Variants in STARD13 observed in about 807,000 individuals in gnomAD.
STARD13 encodes stAR-related lipid transfer protein 13.
STARD13 carries 62 observed loss-of-function variants against 106.4 expected under a neutral mutation model. The ratio of observed to expected loss-of-function variants is 0.58; its 90% confidence interval spans 0.48 to 0.72. The LOEUF is 0.72. Among genes scored for constraint, STARD13 ranks in the 30% least tolerant of loss-of-function variants. STARD13 has a pLI of 0.00. For synonymous variants in STARD13, 565 were observed against 553.0 expected, an observed-to-expected ratio of 1.02 and a Z score of -0.31; for missense variants, 1,387 against 1,424.0, an observed-to-expected ratio of 0.97 and a Z score of 0.42.
chr13:33,463,403 T>TA, the STARD13 span, among the ~76,000 whole-genome samples: 1 of 152,250 alleles, frequency 6.6e-6, no homozygotes, highest in Non-Finnish European at 1.5e-5. Flanking sequence ...GCCCAGTTGT[T>TA]ACCATGGAAA....
At chr13:33,208,063 G>A (rs954135974) in intron 1 of STARD13, among the ~76,000 whole-genome samples, 4 of 151,558 alleles carry the variant, frequency 2.6e-5, no homozygotes, top group East Asian at 3.9e-4. Context: ...TGTCAACTGC[G>A]AAGATCTTAT....
chr13:33,418,419 T>C, the STARD13 span, among the ~76,000 whole-genome samples: 5 of 152,150 alleles, frequency 3.3e-5, no homozygotes, highest in South Asian at 1.0e-3. Flanking sequence ...CTTAAGTAGG[T>C]AAACAAAGCT....
At chr13:33,541,585 C>T in the STARD13 span, among the ~76,000 whole-genome samples, 1 of 152,174 alleles carries the variant, frequency 6.6e-6, no homozygotes, top group Non-Finnish European at 1.5e-5. Context: ...TTCGGACAAT[C>T]TTTCTTATAT....
At chr13:33,439,898 C>A in the STARD13 span, among the ~76,000 whole-genome samples, 4 of 152,136 alleles carry the variant, frequency 2.6e-5, no homozygotes, top group Admixed American at 2.6e-4. Flanking sequence ...CTACACAAAT[C>A]ATCAGGAATC....
At chr13:33,308,777 G>A (rs1425446434) in intron 1 of STARD13, among the ~76,000 whole-genome samples, 1 of 151,948 alleles carries the variant, frequency 6.6e-6, no homozygotes, top group East Asian at 1.9e-4. Context: ...ACCCGCCTTG[G>A]CCTCCCGAAG....
rs1268930462 is a variant in STARD13 at position 33,269,565 on chromosome 13, T to G, written c.169+15905A>C. Among the ~76,000 whole-genome samples the G allele has an allele frequency of 2.0e-5, 3 of 152,192 alleles. No individual in the cohort carries two copies. In the East Asian group the frequency reaches 5.8e-4, roughly 29 times the overall value. ...TAGCCAGCCACACAAAATCACGGCCTTAGGCAGTAAGCCCAATTGACATTT... is the reference window on the plus strand; with the variant it reads ...TAGCCAGCCACACAAAATCACGGCCGTAGGCAGTAAGCCCAATTGACATTT... On this transcript the variant is annotated intron_variant, in intron 1 of 13. Coordinates refer to ENST00000336934, the MANE Select transcript of STARD13 (RefSeq NM_178006.4).
intron 1 of STARD13, among the ~76,000 whole-genome samples, chr13:33,193,843 T>C (rs1886424169): frequency 6.6e-6 from 1 of 152,240 alleles, no homozygotes; most frequent in African/African-American, 2.4e-5. Context: ...GTACTATTAA[T>C]TGAATTTAGC....
At position 33,298,098 on chromosome 13, in the gene STARD13, A is replaced by T. The variant is rs554522151; in HGVS notation, c.124+52192T>A. On this transcript the variant is annotated intron_variant, in intron 1 of 5. Transcript: ENST00000567873. ...CAGTTTTACTTGTGTCTCTATGTCT[A>T]GTCTGGCCCCATCCCATCTACAGTT... is the stretch of plus-strand genomic sequence containing the variant. 1.3e-3 allele frequency among the ~76,000 whole-genome samples: 194 copies of T among 144,288 alleles called. 3 individuals are homozygous for T. Among genetic ancestry groups the T allele is most frequent in the Admixed American group, 4.4e-3 (63 of 14,388 alleles). 94.7% of individuals were successfully genotyped at this position (144,288 alleles called of 152,430 possible). A position where few individuals can be genotyped will look rare whatever the true frequency, so the allele number is the denominator to read the frequency against.
intron 1 of STARD13, among the ~76,000 whole-genome samples, chr13:33,229,867 G>T (rs1409000724): frequency 6.6e-6 from 1 of 152,192 alleles, no homozygotes; most frequent in African/African-American, 2.4e-5. Context: ...TCTCTTTGTT[G>T]TCCCCCAGGA....
At chr13:33,444,433 C>T in the STARD13 span, among the ~76,000 whole-genome samples, 1 of 152,130 alleles carries the variant, frequency 6.6e-6, no homozygotes, top group Non-Finnish European at 1.5e-5. Flanking sequence ...GCTTCAGTTC[C>T]TTCTTAATTA....
At chr13:33,167,998 A>T (rs1456713806) in intron 1 of STARD13, among the ~76,000 whole-genome samples, 1 of 149,712 alleles carries the variant, frequency 6.7e-6, no homozygotes, top group Admixed American at 6.7e-5. Context: ...TTTTAATGGA[A>T]TTTTTTTTTT....
At chr13:33,478,126 T>G in the STARD13 span, among the ~76,000 whole-genome samples, 1 of 152,342 alleles carries the variant, frequency 6.6e-6, no homozygotes, top group Non-Finnish European at 1.5e-5. Context: ...TTTTCCACTA[T>G]GTAAACTCCC....
intron 1 of STARD13, chr13:33,273,012 C>T (rs1302491496): frequency 6.6e-6 from 1 of 152,192 alleles, no homozygotes; most frequent in Non-Finnish European, 1.5e-5. Flanking sequence ...GCCAAGTTTC[C>T]TTATTATATC....
the STARD13 span, among the ~76,000 whole-genome samples, chr13:33,544,472 A>G: frequency 1.3e-5 from 2 of 152,254 alleles, no homozygotes; most frequent in Non-Finnish European, 2.9e-5. Flanking sequence ...ATAGAAATAC[A>G]GATATTGTTA....
chr13:33,627,974 T>C, the STARD13 span, among the ~76,000 whole-genome samples: 1 of 148,510 alleles, frequency 6.7e-6, no homozygotes, highest in African/African-American at 2.6e-5. Context: ...TCTTTCTTTT[T>C]TTTTTTTTTG....
chr13:33,553,042 GAAAT>G, the STARD13 span, among the ~76,000 whole-genome samples: 15 of 151,990 alleles, frequency 9.9e-5, no homozygotes, highest in Admixed American at 2.0e-4. Flanking sequence ...AACAAAATAA[GAAAT>G]AAAACATTTT....
chr13:33,429,929 G>GGA, the STARD13 span, among the ~76,000 whole-genome samples: 58 of 144,608 alleles, frequency 4.0e-4, 2 homozygotes, highest in African/African-American at 1.5e-3. Context: ...TTTTTTTTTG[G>GGA]GGGGGGGGGA....
chr13:33,114,488 C>A (rs1435781978), intron 8 of STARD13, among the ~76,000 whole-genome samples: 2 of 152,188 alleles, frequency 1.3e-5, no homozygotes, highest in African/African-American at 4.8e-5. Flanking sequence ...CAAGATATAC[C>A]TGGGGTTTAC....
At chr13:33,359,276 G>A in the STARD13 span, among the ~76,000 whole-genome samples, 1 of 152,130 alleles carries the variant, frequency 6.6e-6, no homozygotes, top group African/African-American at 2.4e-5. Context: ...GAGACCACGA[G>A]CCCACCGGGA....
Sources: allele counts gnomAD v4.1 joint callset (sites outside exome capture counted in the v4.1 genomes callset), GRCh38; gene constraint gnomAD v4.1.1; transcripts MANE v1.5; gene names NCBI Gene and HGNC (gene_info 2026-07-23, HGNC 2026-07-21).